BICDL1: variants seen among roughly 807,000 people sequenced by gnomAD.
The protein encoded by BICDL1 is BICD family like cargo adaptor 1.
A neutral mutation model predicts 76.8 loss-of-function variants in BICDL1; 20 were observed. The observed-to-expected ratio is 0.26, with a 90% CI of 0.18 to 0.38. The LOEUF (loss-of-function observed/expected upper bound fraction) is 0.38. Ranked by LOEUF, BICDL1 falls within the 10% of genes least tolerant of loss-of-function variation. The pLI is 1.00. For missense variants in BICDL1, 700 were observed against 798.6 expected, an observed-to-expected ratio of 0.88 and a Z score of 1.49; for synonymous variants, 383 against 337.1, an observed-to-expected ratio of 1.14 and a Z score of -1.49.
intron 2 of BICDL1, among the ~76,000 whole-genome samples, chr12:120,008,430 A>G (rs959419109): frequency 1.3e-5 from 2 of 152,168 alleles, no homozygotes; most frequent in Admixed American, 6.5e-5. Context: ...AAATGCTGGG[A>G]TTACAGGCGT....
At chr12:120,084,016 T>C (rs1191203001) in intron 8 of BICDL1, among the ~76,000 whole-genome samples, 1 of 152,016 alleles carries the variant, frequency 6.6e-6, no homozygotes, top group Non-Finnish European at 1.5e-5. Context: ...TTTTTTTCTT[T>C]TCTTTGAGAC....
chr12:120,040,751 CTT>C (rs57089775), intron 2 of BICDL1, among the ~76,000 whole-genome samples: 16 of 134,208 alleles, frequency 1.2e-4, no homozygotes, highest in Non-Finnish European at 1.1e-4. Flanking sequence ...ATAGGAAATA[CTT>C]TTTTTTTTTT....
rs1242003527 is a variant in BICDL1, at chr12:120,071,016, C to A, written c.910-606C>A. ...AAATGCTGGTGTTACAGGCGTGAGC[C>A]ACCACGCCCGGCCTGGTTGGTATAA... On this transcript the variant is annotated intron_variant, in intron 4 of 9. Coordinates refer to ENST00000548673, the MANE Select transcript of BICDL1 (RefSeq NM_001367886.1). This position sits in a 1 kb window ranked among gnomAD's most constrained non-coding sequence, Gnocchi z 4.8. 6.6e-6 allele frequency among the ~76,000 whole-genome samples: 1 copy of A among 152,188 alleles called. No individual in the cohort carries two copies. Among genetic ancestry groups the A allele is most frequent in the Non-Finnish European group, 1.5e-5 (1 of 68,030 alleles).
intron 2 of BICDL1, among the ~76,000 whole-genome samples, chr12:120,015,399 T>C (rs908665566): frequency 1.1e-4 from 16 of 152,226 alleles, no homozygotes; most frequent in Admixed American, 9.8e-4. Flanking sequence ...TGTACCACCG[T>C]TGGAATTTCC....
intron 8 of BICDL1, among the ~76,000 whole-genome samples, chr12:120,085,177 G>A (rs912343414): frequency 6.6e-6 from 1 of 152,152 alleles, no homozygotes; most frequent in African/African-American, 2.4e-5. Flanking sequence ...GGGGTGCAGC[G>A]GCTCAGGCCT....
At chr12:120,053,691 C>G (rs1403271834) in intron 2 of BICDL1, among the ~76,000 whole-genome samples, 1 of 152,154 alleles carries the variant, frequency 6.6e-6, no homozygotes, top group Non-Finnish European at 1.5e-5. Flanking sequence ...TGAAACTAGC[C>G]TTTTCTCCAA....
chr12:120,064,773 G>T lies in BICDL1; in HGVS notation c.803G>T (p.Arg268Leu). Residue 268 changes from arginine (R) to leucine (L), a missense_variant, in exon 4 of 10, where the codon CGT (arginine) becomes CTT (leucine). Arg to Leu is a moderately radical substitution (Grantham distance 102). Transcript: ENST00000548673. ...LSDRKRELEH[R>L]LSATLEENDL... Reference sequence around the variant, plus strand: ...GATCGGAAACGGGAGCTGGAGCATCGTCTCAGCGCTACTTTAGAGGAAAAT... The same window carrying T: ...GATCGGAAACGGGAGCTGGAGCATCTTCTCAGCGCTACTTTAGAGGAAAAT... The T allele has an allele frequency of 1.9e-6, 3 of 1,613,366 alleles. No individual in the cohort carries two copies. The highest frequency in any genetic ancestry group is 2.5e-6 in the Non-Finnish European group (3 of 1,179,738).
intron 2 of BICDL1, among the ~76,000 whole-genome samples, chr12:120,050,749 C>T (rs1200383357): frequency 6.6e-6 from 1 of 152,118 alleles, no homozygotes; most frequent in Non-Finnish European, 1.5e-5. Context: ...TCAAGCAATT[C>T]TCATGCCTCA....
intron 1 of BICDL1, among the ~76,000 whole-genome samples, chr12:119,996,952 T>C (rs1951661656): frequency 6.8e-6 from 1 of 147,270 alleles, no homozygotes; most frequent in South Asian, 2.1e-4. Flanking sequence ...ACAAAAAGAT[T>C]TTTTTTTTTT....
chr12:120,043,914 TATGTAAAC>T (rs1286683274), intron 2 of BICDL1, among the ~76,000 whole-genome samples: 1 of 152,204 alleles, frequency 6.6e-6, no homozygotes, highest in East Asian at 1.9e-4. Context: ...AGAAAACAGA[TATGTAAAC>T]AGAGTGTGTG....
chr12:120,090,823 C>G (rs912809059), intron 9 of BICDL1: 1 of 1,210,946 alleles, frequency 8.3e-7, no homozygotes, highest in African/African-American at 1.6e-5. Flanking sequence ...CCGCAGGGTG[C>G]CCGTCCCTGG....
At chr12:120,085,661 A>G (rs1452322741) in intron 8 of BICDL1, among the ~76,000 whole-genome samples, 1 of 151,808 alleles carries the variant, frequency 6.6e-6, no homozygotes, top group African/African-American at 2.4e-5. Flanking sequence ...AATACAAATA[A>G]AAAATTAGCT....
chr12:120,004,477 A>C, intron 2 of BICDL1, among the ~76,000 whole-genome samples: 1 of 152,228 alleles, frequency 6.6e-6, no homozygotes, highest in East Asian at 1.9e-4. Context: ...AAGAGCATTC[A>C]ACAGGAAGTT....
At chr12:120,040,281 T>A (rs138454522) in intron 2 of BICDL1, among the ~76,000 whole-genome samples, 5 of 152,160 alleles carry the variant, frequency 3.3e-5, no homozygotes, top group Admixed American at 2.0e-4. Flanking sequence ...GTATTTTTAG[T>A]AGAGAATCGC....
intron 8 of BICDL1, among the ~76,000 whole-genome samples, chr12:120,088,079 G>A (rs1324290140): frequency 6.6e-6 from 1 of 151,766 alleles, no homozygotes; most frequent in Non-Finnish European, 1.5e-5. Flanking sequence ...CAGGCAGCAT[G>A]CGCCACCACG....
chr12:120,057,870 G>A (rs373647441), intron 2 of BICDL1, among the ~76,000 whole-genome samples: 26 of 128,090 alleles, frequency 2.0e-4, no homozygotes, highest in Non-Finnish European at 3.9e-4. Flanking sequence ...TTGCTGTGTC[G>A]CCCAGGCTGG....
In BICDL1 at chr12:120,064,861, C is replaced by A; in HGVS notation, c.891C>A (p.Gly297=). The A allele has an allele frequency of 1.9e-6, 3 of 1,611,380 alleles. No homozygotes were observed. Among genetic ancestry groups the A allele is most frequent in the Non-Finnish European group, 2.5e-6 (3 of 1,178,802 alleles). ...QDRVLILERQ[G]HDKDLQLHQS... ...GGGTGCTAATCCTGGAGAGGCAGGG[C>A]CATGACAAGGACCTACAGGTACTGG... The change falls in exon 4 of 10, where the codon GGC becomes GGA. Residue 297 remains glycine, a synonymous_variant. Coordinates refer to ENST00000548673, the MANE Select transcript of BICDL1 (RefSeq NM_001367886.1).
intron 2 of BICDL1, among the ~76,000 whole-genome samples, chr12:120,009,052 A>G (rs747056400): frequency 6.6e-6 from 1 of 151,694 alleles, no homozygotes; most frequent in Non-Finnish European, 1.5e-5. Context: ...CAGTGGCGCA[A>G]TCTCGGCTCA....
At chr12:120,085,799 CAAAAAAAA>C (rs35399078) in intron 8 of BICDL1, among the ~76,000 whole-genome samples, 5 of 69,718 alleles carry the variant, frequency 7.2e-5, no homozygotes, top group Admixed American at 5.2e-4. Flanking sequence ...GATCCTGCCT[CAAAAAAAA>C]AAAAAAAAAA....
Sources: gnomAD v4.1 joint callset for allele counts (sites outside exome capture counted in the v4.1 genomes callset) on GRCh38, gnomAD v4.1.1 for gene constraint, Gnocchi (gnomAD v3.1) non-coding constraint, MANE v1.5 for transcripts, NCBI Gene and HGNC (gene_info 2026-07-23, HGNC 2026-07-21) for gene names.